The following CCDC15 variants were observed in gnomAD, a reference collection of about 807,000 sequenced individuals.
CCDC15 encodes the protein coiled-coil domain-containing protein 15.
CCDC15 carries 105 observed loss-of-function variants against 114.5 expected under a neutral mutation model. That is an observed-to-expected ratio of 0.92 (90% CI 0.78 to 1.08). CCDC15 has a LOEUF of 1.08. Ranked by LOEUF, CCDC15 falls within the 50% of genes least tolerant of loss-of-function variation. The probability of loss-of-function intolerance (pLI) is 0.00; values close to 1 mark genes in which losing one functional copy is unlikely to be tolerated. For synonymous variants in CCDC15, 334 were observed against 377.8 expected, an observed-to-expected ratio of 0.88 and a Z score of 1.34; for missense variants, 1,105 against 1,093.6, an observed-to-expected ratio of 1.01 and a Z score of -0.15.
intron 8 of CCDC15, among the ~76,000 whole-genome samples, chr11:124,989,191 T>C (rs1241198023): frequency 3.3e-5 from 5 of 152,232 alleles, no homozygotes; most frequent in African/African-American, 1.2e-4. Context: ...TTAGCAGCCA[T>C]GAAAAAACAA....
At chr11:124,971,053 G>A (rs1947869905) in intron 4 of CCDC15, among the ~76,000 whole-genome samples, 1 of 152,144 alleles carries the variant, frequency 6.6e-6, no homozygotes, top group South Asian at 2.1e-4. Flanking sequence ...TAAGGCTAGG[G>A]AGGAAGTTGC....
At chr11:124,998,048 G>T (rs1399091387) in intron 11 of CCDC15, among the ~76,000 whole-genome samples, 1 of 152,210 alleles carries the variant, frequency 6.6e-6, no homozygotes, top group Non-Finnish European at 1.5e-5. Flanking sequence ...AGGAAGCTTA[G>T]CCAAATTGTG....
intron 13 of CCDC15, among the ~76,000 whole-genome samples, chr11:125,011,248 A>ATTATTATTTTTTTT (rs1440220391): frequency 6.8e-6 from 1 of 147,212 alleles, no homozygotes; most frequent in African/African-American, 2.5e-5. Flanking sequence ...TATTATTATT[A>ATTATTATTTTTTTT]TTTTTTAAGA....
chr11:124,986,626 A>G (rs1055621024), intron 6 of CCDC15, 116 bp from the exon 7 acceptor site: 1 of 1,158,876 alleles, frequency 8.6e-7, no homozygotes, highest in Non-Finnish European at 1.2e-6. Flanking sequence ...CTAGAATTTT[A>G]TTGCAATCAC....
Position 125,040,589 on chromosome 11 carries a change from G to A in CCDC15, c.2735-1G>A, listed in dbSNP as rs757768707. 2.3e-5 allele frequency: 37 copies of A among 1,603,248 alleles called. No homozygotes were observed. Among genetic ancestry groups the A allele is most frequent in the African/African-American group, 4.0e-5 (3 of 74,584 alleles). Reference sequence around the variant, plus strand: ...ATTGCTGTGCAAACCTTTTTTTGCAGCATATACTCGGGCACTACATTCATT... The same window carrying A: ...ATTGCTGTGCAAACCTTTTTTTGCAACATATACTCGGGCACTACATTCATT... On this transcript the variant is annotated splice_acceptor_variant, in intron 15 of 15. Transcript: ENST00000344762. LOFTEE classifies it high-confidence loss of function.
At chr11:125,007,328 C>A (rs1040452630) in intron 13 of CCDC15, among the ~76,000 whole-genome samples, 1 of 152,256 alleles carries the variant, frequency 6.6e-6, no homozygotes, top group South Asian at 2.1e-4. Context: ...TGAGAACATG[C>A]GATGTTTGTC....
At chr11:124,957,666 A>G (rs1394883618) in intron 2 of CCDC15, among the ~76,000 whole-genome samples, 1 of 152,182 alleles carries the variant, frequency 6.6e-6, no homozygotes, top group Non-Finnish European at 1.5e-5. Context: ...CATTACGTAT[A>G]TATCTCTCCG....
At chr11:124,995,778 C>T (rs1306681764) in intron 11 of CCDC15, among the ~76,000 whole-genome samples, 5 of 151,944 alleles carry the variant, frequency 3.3e-5, no homozygotes, top group African/African-American at 1.2e-4. Flanking sequence ...TGAATCTCTT[C>T]TTGTCCTTCT....
At chr11:124,991,385 ATG>A in intron 8 of CCDC15, 74 bp from the exon 9 acceptor site, 1 of 1,037,840 alleles carries the variant, frequency 9.6e-7, no homozygotes, top group Admixed American at 2.7e-5. Flanking sequence ...TTGGCCTTCA[ATG>A]AAGCCTAGAA....
At chr11:124,962,525 T>C (rs1257787869) in intron 4 of CCDC15, among the ~76,000 whole-genome samples, 2 of 152,232 alleles carry the variant, frequency 1.3e-5, no homozygotes, top group Non-Finnish European at 1.5e-5. Context: ...TTCATTATAG[T>C]GTTCTGATTA....
At chr11:125,032,817 A>AC (rs1948749411) in intron 13 of CCDC15, among the ~76,000 whole-genome samples, 1 of 152,174 alleles carries the variant, frequency 6.6e-6, no homozygotes, top group African/African-American at 2.4e-5. Context: ...TGTAAGTCAG[A>AC]CCTGAGCTAA....
chr11:124,989,769 A>C (rs1419393320), intron 8 of CCDC15, among the ~76,000 whole-genome samples: 7 of 152,112 alleles, frequency 4.6e-5, no homozygotes, highest in Non-Finnish European at 1.0e-4. Flanking sequence ...CTAACTTCCA[A>C]CTTTTCTTCT....
chr11:125,003,243 C>T (rs1948507209), intron 11 of CCDC15, among the ~76,000 whole-genome samples: 1 of 151,052 alleles, frequency 6.6e-6, no homozygotes, highest in Non-Finnish European at 1.5e-5. Context: ...ATCATGTATC[C>T]TGCAACCTTG....
In CCDC15 at chr11:124,991,823, A is replaced by ACAGGCG. The variant is rs553402464; in HGVS notation, c.2031+243_2031+248dup. 3.1e-4 allele frequency among the ~76,000 whole-genome samples: 47 copies of ACAGGCG among 152,208 alleles called. No individual in the cohort carries two copies. In the South Asian group the frequency reaches 9.3e-3, roughly 30 times the overall value. Reference sequence around the variant, plus strand: ...CTCAGCCTCCCGAGTAGCTGGGATTACAGGCGCATGCCAGCACGCCTGGCT... The same window carrying ACAGGCG: ...CTCAGCCTCCCGAGTAGCTGGGATTACAGGCGCAGGCGCATGCCAGCACGCCTGGCT... On this transcript the variant is annotated intron_variant, in intron 9 of 15. Coordinates refer to ENST00000344762, the MANE Select transcript of CCDC15 (RefSeq NM_025004.3).
chr11:125,024,808 A>G (rs1299783844), intron 13 of CCDC15, among the ~76,000 whole-genome samples: 1 of 151,784 alleles, frequency 6.6e-6, no homozygotes, highest in Non-Finnish European at 1.5e-5. Context: ...AAGAATCTCC[A>G]GTACAATGTT....
At chr11:125,002,035 C>T (rs759234936) in intron 11 of CCDC15, among the ~76,000 whole-genome samples, 12 of 152,144 alleles carry the variant, frequency 7.9e-5, no homozygotes, top group Non-Finnish European at 1.6e-4. Context: ...TATATGAGGA[C>T]TCAAATTTCT....
chr11:125,031,940 C>A (rs1448183325), intron 13 of CCDC15, among the ~76,000 whole-genome samples: 1 of 152,200 alleles, frequency 6.6e-6, no homozygotes, highest in African/African-American at 2.4e-5. Context: ...CATTGTGTCT[C>A]TTTCGTGGTT....
chr11:124,999,200 A>AT (rs1286723499), intron 11 of CCDC15, among the ~76,000 whole-genome samples: 1 of 151,978 alleles, frequency 6.6e-6, no homozygotes, highest in African/African-American at 2.4e-5. Context: ...AACTCTTGTT[A>AT]TTTTTTGGTT....
chr11:125,025,039 C>T (rs59269456), intron 13 of CCDC15, among the ~76,000 whole-genome samples: 102 of 27,474 alleles, frequency 3.7e-3, no homozygotes, highest in East Asian at 0.015. Flanking sequence ...TATATGAATA[C>T]ATATGAATAT....
Sources: gnomAD v4.1 joint callset for allele counts (sites outside exome capture counted in the v4.1 genomes callset) on GRCh38, gnomAD v4.1.1 for gene constraint, MANE v1.5 for transcripts, NCBI Gene and HGNC (gene_info 2026-07-23, HGNC 2026-07-21) for gene names.